Variants in EML5 observed in about 807,000 individuals in gnomAD.
EML5 encodes the protein EMAP like 5.
In EML5, 120 loss-of-function variants were observed where a neutral mutation model predicts 250.0. The ratio of observed to expected loss-of-function variants is 0.48; its 90% CI spans 0.41 to 0.56. The LOEUF (loss-of-function observed/expected upper bound fraction) is 0.56, where lower values mean the gene tolerates loss of function less well. EML5 is among the 20% of genes least tolerant of loss of function. The pLI is 0.00. For missense variants in EML5, 2,006 were observed against 2,437.6 expected (o/e 0.82, Z 3.73); for synonymous variants, 771 against 806.5 (o/e 0.96, Z 0.75).
At position 88,681,875 on chromosome 14, in the gene EML5, G is replaced by A; in HGVS notation, c.3124+15C>T. ...GTGAGAGCTTAATCTACGTTCAAGTGTGAGAGCCTCTTACCCTTTTTCAGC... is the reference window on the plus strand; with the variant it reads ...GTGAGAGCTTAATCTACGTTCAAGTATGAGAGCCTCTTACCCTTTTTCAGC... On this transcript the variant is annotated intron_variant, in intron 21 of 43. Transcript: ENST00000554922. The A allele has an allele frequency of 1.3e-6, 2 of 1,594,320 alleles. No individual in the cohort carries two copies. Among genetic ancestry groups the A allele is most frequent in the African/African-American group, 1.4e-5 (1 of 73,920 alleles).
chr14:88,746,083 C>A, intron 3 of EML5, 102 bp downstream of exon 3: 1 of 861,496 alleles, frequency 1.2e-6, no homozygotes, highest in Admixed American at 2.7e-5. Context: ...TTACATATGA[C>A]CTATCTGGCA....
intron 11 of EML5, 122 bp from the exon 12 acceptor site, chr14:88,705,710 A>T: frequency 1.4e-6 from 1 of 739,472 alleles, no homozygotes; most frequent in Non-Finnish European, 2.3e-6. Context: ...AAACAATCAA[A>T]TGAAATTACC....
chr14:88,671,662 A>G (rs895696288), intron 21 of EML5, among the ~76,000 whole-genome samples: 11 of 152,244 alleles, frequency 7.2e-5, no homozygotes, highest in African/African-American at 2.4e-4. Flanking sequence ...GATCTATCTC[A>G]TGTGTAAAGA....
chr14:88,750,351 A>G (rs1363139827), intron 2 of EML5, among the ~76,000 whole-genome samples: 1 of 152,148 alleles, frequency 6.6e-6, no homozygotes, highest in Non-Finnish European at 1.5e-5. Flanking sequence ...AGTGCCTGAT[A>G]TATGGTTAAT....
intron 29 of EML5, 101 bp from the exon 30 acceptor site, chr14:88,644,612 C>T (rs2091249028): frequency 9.7e-7 from 1 of 1,028,432 alleles, no homozygotes; most frequent in Non-Finnish European, 1.5e-6. Flanking sequence ...GTCACACCTT[C>T]CCAAAGATGA....
chr14:88,791,266 T>C (rs374659075), intron 1 of EML5, among the ~76,000 whole-genome samples: 3 of 152,198 alleles, frequency 2.0e-5, no homozygotes, highest in Admixed American at 6.5e-5. Flanking sequence ...AAATGCCCAA[T>C]TTAAATCCTG....
At position 88,757,842 on chromosome 14, in the gene EML5, C is replaced by T. The variant is rs556726860; in HGVS notation, c.198-3171G>A. On this transcript the variant is annotated intron_variant, in intron 1 of 43. Transcript: ENST00000554922. ...TTGCTTTCTTCCTTTCTCTCTCTTT[C>T]TCTCCTTTCTTTCTATTTATTTATT... 3.3e-5 allele frequency among the ~76,000 whole-genome samples: 5 copies of T among 149,328 alleles called. No individual in the cohort carries two copies. In the South Asian group the frequency reaches 1.1e-3, roughly 32 times the overall value.
chr14:88,680,583 G>C (rs894833819), intron 21 of EML5, among the ~76,000 whole-genome samples: 2 of 152,010 alleles, frequency 1.3e-5, no homozygotes, highest in African/African-American at 4.8e-5. Context: ...TGGAATTCAT[G>C]AAGGGACATA....
chr14:88,622,919 G>A (rs2089276791), intron 36 of EML5: 2 of 404,338 alleles, frequency 4.9e-6, no homozygotes, highest in Admixed American at 4.4e-5. Flanking sequence ...TCCAGTTTCA[G>A]TGAATTTTAT....
chr14:88,766,580 C>T (rs903837758), intron 1 of EML5, among the ~76,000 whole-genome samples: 3 of 152,176 alleles, frequency 2.0e-5, no homozygotes, highest in South Asian at 2.1e-4. Context: ...AATGACAATG[C>T]ATGCCCAAAA....
At chr14:88,663,145 T>G in intron 23 of EML5, 26 bp from the exon 24 acceptor site, 3 of 1,446,924 alleles carry the variant, frequency 2.1e-6, no homozygotes, top group Non-Finnish European at 2.8e-6. Context: ...TAAAAATATT[T>G]ACACATATAA....
intron 8 of EML5, among the ~76,000 whole-genome samples, chr14:88,724,479 CA>C (rs2093637712): frequency 6.6e-6 from 1 of 151,980 alleles, no homozygotes; most frequent in Non-Finnish European, 1.5e-5. Flanking sequence ...ATGTTGGATT[CA>C]GGTGCTAAAA....
intron 20 of EML5, among the ~76,000 whole-genome samples, chr14:88,683,407 C>T (rs752798301): frequency 2.4e-4 from 36 of 152,150 alleles, no homozygotes; most frequent in Non-Finnish European, 3.7e-4. Flanking sequence ...GAGCAATATG[C>T]TACCAATTAA....
chr14:88,732,585 C>T (rs2093778112), intron 7 of EML5, among the ~76,000 whole-genome samples: 2 of 152,064 alleles, frequency 1.3e-5, no homozygotes, highest in Admixed American at 1.3e-4. Flanking sequence ...TAGTTTTTTC[C>T]ACTTCTGTGA....
intron 29 of EML5, among the ~76,000 whole-genome samples, chr14:88,644,987 C>T (rs570725115): frequency 9.3e-5 from 14 of 149,838 alleles, no homozygotes; most frequent in African/African-American, 2.9e-4. Context: ...GCTGGGATTA[C>T]GGGATCAGGA....
At chr14:88,789,813 T>C (rs905060096) in intron 1 of EML5, among the ~76,000 whole-genome samples, 1 of 152,260 alleles carries the variant, frequency 6.6e-6, no homozygotes, top group Non-Finnish European at 1.5e-5. Flanking sequence ...TTTCAAAACC[T>C]GAGGACAATG....
At chr14:88,640,653 T>C (rs1410480320) in intron 31 of EML5, among the ~76,000 whole-genome samples, 2 of 151,784 alleles carry the variant, frequency 1.3e-5, no homozygotes, top group African/African-American at 4.8e-5. Context: ...GGAGGAAATA[T>C]AAATACAAGA....
At chr14:88,716,762 CA>C (rs2093501620) in intron 8 of EML5, among the ~76,000 whole-genome samples, 1 of 149,654 alleles carries the variant, frequency 6.7e-6, no homozygotes, top group Non-Finnish European at 1.5e-5. Context: ...CACACACACA[CA>C]CGGTAGAAGG....
chr14:88,622,579 T>C lies in EML5; in HGVS notation c.5013+25A>G, dbSNP rs1016349649. 4.6e-6 allele frequency: 7 copies of C among 1,534,924 alleles called. No homozygotes were observed. In the Admixed American group the frequency reaches 7.8e-5, roughly 17 times the overall value. ...AACCACTTTCTGTTTTCTGCTGCAC[T>C]GTATCAGCTCATGGAACATCTTACT... is the stretch of plus-strand genomic sequence containing the variant. On this transcript the variant is annotated intron_variant, in intron 37 of 43. Coordinates refer to ENST00000554922, the MANE Select transcript of EML5 (RefSeq NM_183387.3).
Sources: allele counts gnomAD v4.1 joint callset (sites outside exome capture counted in the v4.1 genomes callset), GRCh38; gene constraint gnomAD v4.1.1; transcripts MANE v1.5; gene names NCBI Gene and HGNC (gene_info 2026-07-23, HGNC 2026-07-21).